Variants in NBPF15 observed in about 807,000 individuals in gnomAD.
The protein encoded by NBPF15 is NBPF member 15.
A neutral mutation model predicts 62.2 loss-of-function variants in NBPF15; 74 were observed. That is an observed-to-expected ratio of 1.19 (90% CI 0.99 to 1.44). NBPF15 has a LOEUF of 1.44. Ranked by LOEUF, NBPF15 falls within the 40% of genes most tolerant of loss-of-function variation. NBPF15 has a pLI of 0.00. For missense variants in NBPF15, 790 were observed against 550.0 expected (o/e 1.44, Z -4.36); for synonymous variants, 244 against 209.7 (o/e 1.16, Z -1.41).
chr1:144,445,362 C>T lies in NBPF15; in HGVS notation c.-191+3413G>A, dbSNP rs1198677797. Among the ~76,000 whole-genome samples, 93 of 137,238 alleles carry T rather than the reference C, an allele frequency of 6.8e-4. 2 individuals carry two copies. The highest frequency in any genetic ancestry group is 6.7e-3 in the South Asian group (29 of 4,338). 90.0% of individuals were successfully genotyped at this position (137,238 alleles called of 152,430 possible). A position where few individuals can be genotyped will look rare whatever the true frequency, so the allele number is the denominator to read the frequency against. ...ATATATATATATATATATACACACA[C>T]ACACACACACACACACACACGTTTG... On this transcript the variant is annotated intron_variant, in intron 6 of 21. Transcript: ENST00000581897.
intron 16 of NBPF15, 102 bp from the exon 17 acceptor site, chr1:144,427,200 A>T: frequency 1.5e-6 from 1 of 648,590 alleles, no homozygotes; most frequent in East Asian, 2.7e-5. Context: ...GCTCCTCAGC[A>T]TGAGAATAGG....
intron 6 of NBPF15, among the ~76,000 whole-genome samples, chr1:144,442,097 C>CACGTGTATATATATATATAATATATATAT (rs1683323072): frequency 8.2e-6 from 1 of 121,406 alleles, no homozygotes; most frequent in Non-Finnish European, 1.7e-5. Context: ...AAACATGGCA[C>CACGTGTATATATATATATAATATATATAT]ACGTGTATAT....
Position 144,427,042 on chromosome 1 carries a change from G to T in NBPF15, c.1265+5C>A. On this transcript the variant is annotated splice_donor_5th_base_variant and intron_variant, in intron 17 of 21. Coordinates refer to ENST00000581897, the MANE Select transcript of NBPF15 (RefSeq NM_001385408.1). ...AATTAAGCATCCATAATTGCTCAAA[G>T]TTACCTGGGGCATGATGGGTCTTGG... is the stretch of plus-strand genomic sequence containing the variant. The T allele has an allele frequency of 1.3e-6, 1 of 751,600 alleles. No individual in the cohort carries two copies. 46.6% of individuals were successfully genotyped at this position (751,600 alleles called of 1,614,324 possible).
At chr1:144,432,857 G>A (rs1675490195) in intron 13 of NBPF15, among the ~76,000 whole-genome samples, 1 of 151,888 alleles carries the variant, frequency 6.6e-6, no homozygotes. Context: ...ATCATAATGG[G>A]AGACTTTAAC....
intron 8 of NBPF15, 42 bp downstream of exon 8, chr1:144,439,787 C>T (rs1681468301): frequency 1.6e-5 from 24 of 1,479,528 alleles, no homozygotes; most frequent in South Asian, 7.9e-5. Context: ...GAAGACAGGA[C>T]ATCATTCATC....
intron 6 of NBPF15, among the ~76,000 whole-genome samples, chr1:144,441,531 CA>C (rs1181003096): frequency 6.7e-6 from 1 of 149,318 alleles, no homozygotes; most frequent in Admixed American, 6.7e-5. Flanking sequence ...TCCATTTATA[CA>C]TACATATTTT....
In NBPF15 at chr1:144,442,110, A is replaced by AT. The variant is rs587681472; in HGVS notation, c.-190-1816dup. ...ACAAACATGGCACACGTGTATATATATATATAATATATATACACGTGTATA... is the reference window on the plus strand; with the variant it reads ...ACAAACATGGCACACGTGTATATATATTATATAATATATATACACGTGTATA... On this transcript the variant is annotated intron_variant, in intron 6 of 21. Coordinates refer to ENST00000581897, the MANE Select transcript of NBPF15 (RefSeq NM_001385408.1). Among the ~76,000 whole-genome samples, 242 of 76,168 alleles carry AT rather than the reference A, an allele frequency of 3.2e-3. 7 individuals carry two copies. The South Asian group carries it at 0.051, about 16-fold the overall frequency. 50.0% of individuals were successfully genotyped at this position (76,168 alleles called of 152,430 possible).
At chr1:144,445,843 G>C (rs376431808) in intron 6 of NBPF15, among the ~76,000 whole-genome samples, 1 of 116,994 alleles carries the variant, frequency 8.5e-6, no homozygotes, top group East Asian at 2.4e-4. Flanking sequence ...CATAAATTTT[G>C]TTGACTTTCC....
At chr1:144,441,699 T>C (rs1683038215) in intron 6 of NBPF15, among the ~76,000 whole-genome samples, 1 of 151,094 alleles carries the variant, frequency 6.6e-6, no homozygotes, top group South Asian at 2.1e-4. Flanking sequence ...AAGAAATATT[T>C]TCCTGTGTCA....
intron 6 of NBPF15, among the ~76,000 whole-genome samples, chr1:144,445,504 AC>A (rs1686857085): frequency 6.7e-6 from 1 of 149,322 alleles, no homozygotes; most frequent in African/African-American, 2.4e-5. Context: ...TTTCAACAAA[AC>A]ACATAATCTT....
chr1:144,457,313 ACTGGTCTAT>A lies in NBPF15; in HGVS notation c.-700-517_-700-509del, dbSNP rs113695839. Among the ~76,000 whole-genome samples, 51 of 151,840 alleles carry A rather than the reference ACTGGTCTAT, an allele frequency of 3.4e-4. 1 individual carries two copies. The highest frequency in any genetic ancestry group is 9.7e-5 in the African/African-American group (4 of 41,328). ...TTAATGCTTCTTTGGAATCTCATCT[ACTGGTCTAT>A]CTGGTCTATCTGTACACGTATATTC... On this transcript the variant is annotated intron_variant, in intron 3 of 21. Coordinates refer to ENST00000581897, the MANE Select transcript of NBPF15 (RefSeq NM_001385408.1).
intron 20 of NBPF15, 42 bp from the exon 21 acceptor site, chr1:144,424,017 C>G (rs587709826): frequency 3.9e-6 from 3 of 762,102 alleles, no homozygotes; most frequent in African/African-American, 3.4e-5. Flanking sequence ...TAAGCTGATT[C>G]CCCTACACAT....
chr1:144,426,147 C>A lies in NBPF15; in HGVS notation c.1438+131G>T, dbSNP rs1453279636. 6 of 658,054 alleles carry A rather than the reference C, an allele frequency of 9.1e-6. 1 individual carries two copies. The Admixed American group carries it at 1.1e-4, about 12-fold the overall frequency. The allele number at this position is 658,054 out of a possible 1,614,324, so 40.8% of individuals were successfully genotyped here. A position where few individuals can be genotyped will look rare whatever the true frequency, so the allele number is the denominator to read the frequency against. Reference sequence around the variant, plus strand: ...ACTGAGACTACAGTTTCATTACAACCTTTATGCGCCCATAGGTCCTGCCTG... The same window carrying A: ...ACTGAGACTACAGTTTCATTACAACATTTATGCGCCCATAGGTCCTGCCTG... On this transcript the variant is annotated intron_variant, in intron 18 of 21. Transcript: ENST00000581897.
chr1:144,445,478 T>C lies in NBPF15; in HGVS notation c.-191+3297A>G, dbSNP rs1269381770. Among the ~76,000 whole-genome samples the C allele has an allele frequency of 4.7e-5, 7 of 148,868 alleles. No homozygotes were observed. In the East Asian group the frequency reaches 7.9e-4, roughly 17 times the overall value. ...TTCTGGATTCTCTCTTCCACTGATA[T>C]ATATTCCATTTTTTTTTTCAACAAA... On this transcript the variant is annotated intron_variant, in intron 6 of 21. Coordinates refer to ENST00000581897, the MANE Select transcript of NBPF15 (RefSeq NM_001385408.1).
chr1:144,453,357 T>A (rs1169875255), intron 4 of NBPF15, among the ~76,000 whole-genome samples: 1 of 151,754 alleles, frequency 6.6e-6, no homozygotes, highest in Non-Finnish European at 1.5e-5. Flanking sequence ...AAATGTAAGG[T>A]GCAAAACCAT....
chr1:144,437,635 A>T, intron 9 of NBPF15, among the ~76,000 whole-genome samples: 1 of 151,432 alleles, frequency 6.6e-6, no homozygotes, highest in African/African-American at 2.4e-5. Context: ...TGGTGATGGC[A>T]CACCATTTTG....
rs1438191799 is a variant in NBPF15, at chr1:144,427,681, A to G, written c.1213+137T>C. 7.9e-6 allele frequency: 5 copies of G among 631,986 alleles called. 1 individual carries two copies. In the African/African-American group the frequency reaches 8.2e-5, roughly 10 times the overall value. The allele number at this position is 631,986 out of a possible 1,614,324, so 39.1% of individuals were successfully genotyped here. A position where few individuals can be genotyped will look rare whatever the true frequency, so the allele number is the denominator to read the frequency against. On this transcript the variant is annotated intron_variant, in intron 16 of 21. Coordinates refer to ENST00000581897, the MANE Select transcript of NBPF15 (RefSeq NM_001385408.1). Reference sequence around the variant, plus strand: ...GGCTTCCAAGTGGAACTAGAGTTTCATTCAACCTACATGTGCCTATAGGTC... The same window carrying G: ...GGCTTCCAAGTGGAACTAGAGTTTCGTTCAACCTACATGTGCCTATAGGTC...
chr1:144,447,148 G>C (rs1171340878), intron 6 of NBPF15, among the ~76,000 whole-genome samples: 1 of 152,408 alleles, frequency 6.6e-6, no homozygotes, highest in East Asian at 1.9e-4. Flanking sequence ...CTGTTGTTCT[G>C]ACAGCAGGGA....
intron 19 of NBPF15, among the ~76,000 whole-genome samples, chr1:144,425,095 C>A (rs1471906176): frequency 6.8e-6 from 1 of 146,542 alleles, no homozygotes; most frequent in Non-Finnish European, 1.5e-5. Context: ...CACACACACA[C>A]ACACACACAG....
Sources: gnomAD v4.1 joint callset for allele counts (sites outside exome capture counted in the v4.1 genomes callset) on GRCh38, gnomAD v4.1.1 for gene constraint, MANE v1.5 for transcripts, NCBI Gene and HGNC (gene_info 2026-07-23, HGNC 2026-07-21) for gene names.